The following NBL1 variants were observed in gnomAD, a reference collection of about 807,000 sequenced individuals.
NBL1 encodes the protein NBL1, DAN family BMP antagonist.
In NBL1, 9 loss-of-function variants were observed where a neutral mutation model predicts 16.0. The ratio of observed to expected loss-of-function variants is 0.56; its 90% CI spans 0.34 to 0.98. NBL1 has a LOEUF of 0.98. Among genes scored for constraint, NBL1 ranks in the 50% least tolerant of loss-of-function variants. NBL1 has a pLI of 0.02. For synonymous variants in NBL1, 86 were observed against 100.7 expected, an observed-to-expected ratio of 0.85 and a Z score of 0.87; for missense variants, 196 against 243.1, an observed-to-expected ratio of 0.81 and a Z score of 1.29.
At position 19,657,768 on chromosome 1, in the gene NBL1, G is replaced by A. The variant is rs377209511; in HGVS notation, c.*639G>A. 18 of 152,966 alleles carry A rather than the reference G, an allele frequency of 1.2e-4. 1 individual carries two copies. In the East Asian group the frequency reaches 1.7e-3, roughly 15 times the overall value. 9.5% of individuals were successfully genotyped at this position (152,966 alleles called of 1,614,324 possible). Reference sequence around the variant, plus strand: ...GCGGGAGCTGGGAGCCAGGCTCTCCGGGCCTTTCTCTGGCTTCCTTGGCTT... The same window carrying A: ...GCGGGAGCTGGGAGCCAGGCTCTCCAGGCCTTTCTCTGGCTTCCTTGGCTT... On this transcript the variant is annotated 3_prime_UTR_variant, in exon 4 of 4. Transcript: ENST00000375136.
At chr1:19,654,189 C>T (rs942722452) in intron 1 of NBL1, among the ~76,000 whole-genome samples, 9 of 152,164 alleles carry the variant, frequency 5.9e-5, no homozygotes, top group Non-Finnish European at 8.8e-5. Flanking sequence ...GCAGGAAGAT[C>T]GCTTGAGCCC....
intron 1 of NBL1, chr1:19,647,556 G>A: frequency 2.1e-6 from 2 of 972,620 alleles, no homozygotes; most frequent in Non-Finnish European, 2.4e-6. Flanking sequence ...GGGGGGAGAG[G>A]AAAGGTGGGA....
At chr1:19,644,115 C>A (rs2100378643), upstream of NBL1, 5 of 973,766 alleles carry the variant, frequency 5.1e-6, no homozygotes, top group South Asian at 4.7e-5. This position sits in a 1 kb window ranked among gnomAD's most constrained non-coding sequence, Gnocchi z 4.6. Context: ...CAGCCCGGGG[C>A]GGGCGGGCCA....
Position 19,644,865 on chromosome 1 carries a change from C to CCCCCTCTGCTTCGGT in NBL1, c.-20+424_-20+438dup, listed in dbSNP as rs368425586. On this transcript the variant is annotated intron_variant, in intron 1 of 3. Transcript: ENST00000375136. This position sits in a 1 kb window ranked among gnomAD's most constrained non-coding sequence, Gnocchi z 4.6. ...CTCTGGACGTTTCCGCCTCCCGCGGCCCCCTCTGCTTCGGTCCCCACGTCC... is the reference window on the plus strand; with the variant it reads ...CTCTGGACGTTTCCGCCTCCCGCGGCCCCCTCTGCTTCGGTCCCCTCTGCTTCGGTCCCCACGTCC... Among the ~76,000 whole-genome samples, 121 of 152,202 alleles carry CCCCCTCTGCTTCGGT rather than the reference C, an allele frequency of 7.9e-4. No individual in the cohort carries two copies. The highest frequency in any genetic ancestry group is 2.8e-3 in the African/African-American group (115 of 41,552).
In NBL1 at chr1:19,657,381, G is replaced by C; in HGVS notation, c.*252G>C. On this transcript the variant is annotated 3_prime_UTR_variant, in exon 4 of 4. Coordinates refer to ENST00000375136, the MANE Select transcript of NBL1 (RefSeq NM_005380.8). ...CAGGGCTCTTTTTTTGGGGGGGGTG[G>C]TCTCTTCCTGTCTGGCTTCTAGAGA... The C allele has an allele frequency of 4.3e-6, 1 of 231,292 alleles. No homozygotes were observed. The highest frequency in any genetic ancestry group is 8.3e-6 in the Non-Finnish European group (1 of 120,632). The allele number at this position is 231,292 out of a possible 1,614,324, so 14.3% of individuals were successfully genotyped here. A position where few individuals can be genotyped will look rare whatever the true frequency, so the allele number is the denominator to read the frequency against.
chr1:19,647,880 TGTGCGTGTGCGCGCGTGTGTGTGC>T (rs1337843463), intron 1 of NBL1, among the ~76,000 whole-genome samples: 7 of 144,240 alleles, frequency 4.9e-5, no homozygotes, highest in Non-Finnish European at 7.5e-5. Context: ...TGTGTGTGTG[TGTGCGTGTGCGCGCGTGTGTGTGC>T]GTGCTTGTGC....
At chr1:19,652,466 G>A (rs1391127017) in intron 1 of NBL1, among the ~76,000 whole-genome samples, 1 of 152,108 alleles carries the variant, frequency 6.6e-6, no homozygotes, top group East Asian at 1.9e-4. Context: ...GGCGGCGGGG[G>A]GGCAGCCTGT....
intron 1 of NBL1, among the ~76,000 whole-genome samples, chr1:19,649,761 G>A (rs911726651): frequency 6.6e-5 from 10 of 150,844 alleles, no homozygotes; most frequent in Admixed American, 1.3e-4. Flanking sequence ...TCCCAGGACC[G>A]AGTGATCCTC....
In NBL1 at chr1:19,644,357, C is replaced by G. The variant is rs968079998; in HGVS notation, c.-109C>G. 5 of 978,572 alleles carry G rather than the reference C, an allele frequency of 5.1e-6. No individual in the cohort carries two copies. The African/African-American group carries it at 8.8e-5, about 17-fold the overall frequency. 60.6% of individuals were successfully genotyped at this position (978,572 alleles called of 1,614,324 possible). ...CCAGCCGAGCGTCGCGGGGCCGCCC[C>G]CCGCCCTGCCGGCCGCCTCGCCGAG... is the stretch of plus-strand genomic sequence containing the variant. On this transcript the variant is annotated 5_prime_UTR_variant, in exon 1 of 4. Transcript: ENST00000375136. This position sits in a 1 kb window ranked among gnomAD's most constrained non-coding sequence, Gnocchi z 4.6.
At chr1:19,645,581 A>G (rs1410934463) in intron 1 of NBL1, 1 of 1,019,680 alleles carries the variant, frequency 9.8e-7, no homozygotes, top group East Asian at 9.2e-5. Flanking sequence ...CAATTTGTCA[A>G]CAAGGAGCCC....
At chr1:19,655,784 T>A (rs2095052766) in intron 3 of NBL1, among the ~76,000 whole-genome samples, 1 of 152,196 alleles carries the variant, frequency 6.6e-6, no homozygotes, top group African/African-American at 2.4e-5. Flanking sequence ...CTTTCCAGCC[T>A]CCTCCTGCTT....
At chr1:19,643,988 GA>G (rs1283489008), upstream of NBL1, 1 of 985,342 alleles carries the variant, frequency 1.0e-6, no homozygotes, top group African/African-American at 1.7e-5. The surrounding 1 kb of genome is among the most constrained non-coding windows in gnomAD (Gnocchi z 4.7). Flanking sequence ...GAAGCGCAGA[GA>G]AACCCGGGGA....
In NBL1 at chr1:19,647,902, T is replaced by C. The variant is rs533358775; in HGVS notation, c.-20+3456T>C. ...GTGTGTGCGTGTGCGCGCGTGTGTG[T>C]GCGTGCTTGTGCGGATGTACATTTT... On this transcript the variant is annotated intron_variant, in intron 1 of 3. Coordinates refer to ENST00000375136, the MANE Select transcript of NBL1 (RefSeq NM_005380.8). 5.7e-4 allele frequency among the ~76,000 whole-genome samples: 57 copies of C among 100,536 alleles called. No individual in the cohort carries two copies. In the Middle Eastern group the frequency reaches 0.013, roughly 22 times the overall value. 66.0% of individuals were successfully genotyped at this position (100,536 alleles called of 152,430 possible).
At chr1:19,645,511 G>T (rs2094973475) in intron 1 of NBL1, 1 of 1,000,662 alleles carries the variant, frequency 1.0e-6, no homozygotes, top group African/African-American at 1.7e-5. Flanking sequence ...TGTAACTAGG[G>T]GCACCCCAGG....
In NBL1 at chr1:19,657,240, G is replaced by T. The variant is rs1379109887; in HGVS notation, c.*111G>T. On this transcript the variant is annotated 3_prime_UTR_variant, in exon 4 of 4. Coordinates refer to ENST00000375136, the MANE Select transcript of NBL1 (RefSeq NM_005380.8). ...CCCCCTTTGGCACTGGATGGACTTG[G>T]CTTCAGACTCGGACTTGAATGCTGC... is the stretch of plus-strand genomic sequence containing the variant. 1 of 585,394 alleles carries T rather than the reference G, an allele frequency of 1.7e-6. No individual in the cohort carries two copies. The highest frequency in any genetic ancestry group is 2.8e-5 in the East Asian group (1 of 35,972). The allele number at this position is 585,394 out of a possible 1,614,324, so 36.3% of individuals were successfully genotyped here. A position where few individuals can be genotyped will look rare whatever the true frequency, so the allele number is the denominator to read the frequency against.
chr1:19,647,350 C>T (rs2094986833), intron 1 of NBL1, among the ~76,000 whole-genome samples: 1 of 152,072 alleles, frequency 6.6e-6, no homozygotes, highest in South Asian at 2.1e-4. Flanking sequence ...CACTTGAGCC[C>T]CAGAGTTTGA....
upstream of NBL1, chr1:19,644,202 G>A: frequency 2.0e-6 from 2 of 977,868 alleles, no homozygotes; most frequent in Non-Finnish European, 2.4e-6. This position sits in a 1 kb window ranked among gnomAD's most constrained non-coding sequence, Gnocchi z 4.6. Flanking sequence ...GCGCCCGCCC[G>A]CTCTTTCTGC....
intron 1 of NBL1, among the ~76,000 whole-genome samples, chr1:19,646,265 G>A (rs565556688): frequency 6.6e-6 from 1 of 152,232 alleles, no homozygotes; most frequent in African/African-American, 2.4e-5. Context: ...TCCTCCCTGG[G>A]GGATCTGCTG....
At chr1:19,644,276 AGCCGCTCCCCCGC>A (rs2094963871), upstream of NBL1, 3 of 978,606 alleles carry the variant, frequency 3.1e-6, no homozygotes, top group East Asian at 3.5e-4. The surrounding 1 kb of genome is among the most constrained non-coding windows in gnomAD (Gnocchi z 4.6). Flanking sequence ...CTGACGTCGG[AGCCGCTCCCCCGC>A]GCCGCGCGCC....
Sources: gnomAD v4.1 joint callset for allele counts (sites outside exome capture counted in the v4.1 genomes callset) on GRCh38, gnomAD v4.1.1 for gene constraint, Gnocchi (gnomAD v3.1) non-coding constraint, MANE v1.5 for transcripts, NCBI Gene and HGNC (gene_info 2026-07-23, HGNC 2026-07-21) for gene names.